The following IL17RD variants were observed in gnomAD, a reference collection of about 807,000 sequenced individuals.
IL17RD encodes the protein interleukin-17 receptor D.
IL17RD carries 52 observed loss-of-function variants against 80.5 expected under a neutral mutation model. That is an observed-to-expected ratio of 0.65 (90% CI 0.52 to 0.81). IL17RD has a LOEUF of 0.81. Ranked by LOEUF, IL17RD falls within the 40% of genes least tolerant of loss-of-function variation. IL17RD has a pLI of 0.00. For synonymous variants in IL17RD, 416 were observed against 391.8 expected, an observed-to-expected ratio of 1.06 and a Z score of -0.73; for missense variants, 1,024 against 955.1, an observed-to-expected ratio of 1.07 and a Z score of -0.95.
chr3:57,156,817 T>C (rs1383301088), intron 1 of IL17RD, among the ~76,000 whole-genome samples: 2 of 151,582 alleles, frequency 1.3e-5, no homozygotes, highest in Non-Finnish European at 1.5e-5. Context: ...TTTGCCCACA[T>C]CTTACTTTCT....
upstream of IL17RD, among the ~76,000 whole-genome samples, chr3:57,169,759 G>C (rs537626276): frequency 1.5e-3 from 233 of 152,208 alleles, 1 homozygote; most frequent in Non-Finnish European, 2.5e-3. Context: ...CTCCCAGAGG[G>C]CTGAGGGTGC....
chr3:57,099,866 A>G (rs1300269711), intron 11 of IL17RD, among the ~76,000 whole-genome samples: 1 of 152,226 alleles, frequency 6.6e-6, no homozygotes, highest in Non-Finnish European at 1.5e-5. Context: ...TTGACATATA[A>G]CTACTAATAG....
intron 1 of IL17RD, among the ~76,000 whole-genome samples, chr3:57,161,131 T>C (rs547327359): frequency 3.3e-5 from 5 of 152,322 alleles, no homozygotes; most frequent in Admixed American, 1.3e-4. Context: ...AAGAAAGCTT[T>C]GCACTGCTTA....
intron 1 of IL17RD, among the ~76,000 whole-genome samples, chr3:57,141,916 T>C (rs1044792286): frequency 6.6e-6 from 1 of 152,158 alleles, no homozygotes; most frequent in African/African-American, 2.4e-5. Context: ...TCTGATTGTA[T>C]CTGCACGGTT....
chr3:57,163,796 G>T (rs1418667623), intron 1 of IL17RD, among the ~76,000 whole-genome samples: 3 of 118,924 alleles, frequency 2.5e-5, no homozygotes, highest in African/African-American at 9.4e-5. Flanking sequence ...GGGGGGGCGG[G>T]GGGGGAAGGG....
intron 1 of IL17RD, chr3:57,134,218 AGACCAAT>A: frequency 1.4e-6 from 1 of 689,998 alleles, no homozygotes; most frequent in South Asian, 1.4e-5. Flanking sequence ...GACCCCAATA[AGACCAAT>A]GAAATCGCCA....
At chr3:57,164,423 C>A (rs1288934773) in intron 1 of IL17RD, among the ~76,000 whole-genome samples, 3 of 152,212 alleles carry the variant, frequency 2.0e-5, no homozygotes, top group Admixed American at 6.5e-5. Flanking sequence ...ATGCACACGG[C>A]GAAAGTCTGG....
intron 1 of IL17RD, among the ~76,000 whole-genome samples, chr3:57,154,283 T>TATATACACACAC (rs904157398): frequency 1.3e-4 from 15 of 112,912 alleles, no homozygotes; most frequent in African/African-American, 4.7e-4. Context: ...TATATATATA[T>TATATACACACAC]ACACACACAC....
chr3:57,097,262 C>T (rs1159372290), intron 12 of IL17RD, among the ~76,000 whole-genome samples: 1 of 152,156 alleles, frequency 6.6e-6, no homozygotes, highest in Non-Finnish European at 1.5e-5. Context: ...GACGCATCCA[C>T]AAACTGTTAC....
intron 1 of IL17RD, 187 bp downstream of exon 1, chr3:57,164,974 C>T: frequency 7.5e-7 from 1 of 1,325,294 alleles, no homozygotes; most frequent in South Asian, 1.9e-5. Flanking sequence ...TCATCTCGGC[C>T]AGGGCCGGAG....
At chr3:57,115,482 A>G (rs1707196672) in intron 2 of IL17RD, among the ~76,000 whole-genome samples, 1 of 152,162 alleles carries the variant, frequency 6.6e-6, no homozygotes, top group Non-Finnish European at 1.5e-5. Flanking sequence ...CAGAAGCCAC[A>G]CCAATCTTTG....
At chr3:57,124,850 C>G (rs994847225) in intron 1 of IL17RD, among the ~76,000 whole-genome samples, 2 of 152,162 alleles carry the variant, frequency 1.3e-5, no homozygotes, top group Admixed American at 6.5e-5. Flanking sequence ...CCACCCTGCC[C>G]CCCAACACCC....
chr3:57,135,463 AT>A (rs1323082086), intron 1 of IL17RD, among the ~76,000 whole-genome samples: 1 of 152,200 alleles, frequency 6.6e-6, no homozygotes, highest in Admixed American at 6.5e-5. Context: ...CAGCTTTATT[AT>A]TTTTGTAAAG....
chr3:57,165,408 G>A (rs2107551734), upstream of IL17RD: 2 of 818,164 alleles, frequency 2.4e-6, no homozygotes, highest in South Asian at 6.0e-5. Context: ...CTGGGCATGC[G>A]TTGCCAGCCC....
Position 57,098,313 on chromosome 3 carries a change from CCTGGCGGAG to C in IL17RD, c.1381_1389del (p.Leu461_Gln463del). On this transcript the variant is annotated inframe_deletion, in exon 12 of 13. Transcript: ENST00000296318. ...AGCGCCGCGGACGAACTCTGCTTGGCCTGGCGGAGCTTTTCGGCAATGGCTGACACCGCC... is the reference window on the plus strand; with the variant it reads ...AGCGCCGCGGACGAACTCTGCTTGGCCTTTTCGGCAATGGCTGACACCGCC... 6.2e-7 allele frequency: 1 copy of C among 1,614,008 alleles called. No homozygotes were observed. Among genetic ancestry groups the C allele is most frequent in the Non-Finnish European group, 8.5e-7 (1 of 1,179,892 alleles).
At chr3:57,122,409 T>C (rs1167407951) in intron 1 of IL17RD, among the ~76,000 whole-genome samples, 1 of 152,222 alleles carries the variant, frequency 6.6e-6, no homozygotes, top group African/African-American at 2.4e-5. Flanking sequence ...TCCTGGTCCA[T>C]GGCCTGTTAG....
At chr3:57,117,999 T>C (rs778399448) in intron 2 of IL17RD, among the ~76,000 whole-genome samples, 19 of 152,186 alleles carry the variant, frequency 1.2e-4, no homozygotes, top group Non-Finnish European at 2.2e-4. Context: ...AGCAAGATAC[T>C]TTAAAGTTTT....
chr3:57,135,426 T>C (rs1707705506), intron 1 of IL17RD, among the ~76,000 whole-genome samples: 1 of 152,240 alleles, frequency 6.6e-6, no homozygotes, highest in Admixed American at 6.5e-5. Flanking sequence ...TTCAAGTTTC[T>C]AGAACTGTAG....
chr3:57,147,552 C>A (rs1707957321), intron 1 of IL17RD, among the ~76,000 whole-genome samples: 1 of 152,272 alleles, frequency 6.6e-6, no homozygotes, highest in East Asian at 1.9e-4. Context: ...AGGAAATAAA[C>A]CAAAACGGCA....
Sources: allele counts gnomAD v4.1 joint callset (sites outside exome capture counted in the v4.1 genomes callset), GRCh38; gene constraint gnomAD v4.1.1; transcripts MANE v1.5; gene names NCBI Gene and HGNC (gene_info 2026-07-23, HGNC 2026-07-21).